The following CFAP221 variants were observed in gnomAD, a reference collection of about 807,000 sequenced individuals.
CFAP221 encodes cilia and flagella associated protein 221, also known as cilia- and flagella-associated protein 221.
Under a neutral mutation model 113.1 loss-of-function variants are expected in CFAP221, and 97 were observed. The observed-to-expected ratio is 0.86, with a 90% CI of 0.73 to 1.02. The LOEUF (loss-of-function observed/expected upper bound fraction) is 1.02, where lower values mean the gene tolerates loss of function less well. Among genes scored for constraint, CFAP221 ranks in the 50% least tolerant of loss-of-function variants. The pLI is 0.00. For synonymous variants in CFAP221, 331 were observed against 354.4 expected, an observed-to-expected ratio of 0.93 and a Z score of 0.74; for missense variants, 1,025 against 1,013.4, an observed-to-expected ratio of 1.01 and a Z score of -0.16.
chr2:119,585,887 G>A (rs1683188063), intron 6 of CFAP221, among the ~76,000 whole-genome samples: 1 of 152,196 alleles, frequency 6.6e-6, no homozygotes, highest in South Asian at 2.1e-4. Context: ...AGGTAGGGAA[G>A]CCTGTCATTA....
intron 13 of CFAP221, 65 bp from the exon 14 acceptor site, chr2:119,615,546 T>C: frequency 8.6e-7 from 1 of 1,163,918 alleles, no homozygotes. Flanking sequence ...AAAATGTTTT[T>C]ATTAGATGTT....
intron 6 of CFAP221, among the ~76,000 whole-genome samples, chr2:119,585,863 G>A (rs1683186771): frequency 6.6e-6 from 1 of 152,220 alleles, no homozygotes; most frequent in African/African-American, 2.4e-5. Flanking sequence ...CTCCAGGGAA[G>A]ACAGACACTG....
chr2:119,632,060 A>G (rs980262626), intron 19 of CFAP221, among the ~76,000 whole-genome samples: 9 of 152,186 alleles, frequency 5.9e-5, no homozygotes, highest in African/African-American at 1.7e-4. Context: ...AGAGGCCTTC[A>G]CTAGGGAATT....
Position 119,577,299 on chromosome 2 carries a change from T to C in CFAP221, c.528-9820T>C, listed in dbSNP as rs115059197. 7.2e-3 allele frequency among the ~76,000 whole-genome samples: 1,092 copies of C among 152,296 alleles called. 12 individuals are homozygous for C. Among genetic ancestry groups the C allele is most frequent in the African/African-American group, 0.025 (1,036 of 41,562 alleles). ...TCACCTTCCTAAGTCCCCACCTCCA[T>C]CATGGGAATTGGGGCTTCCACATAT... On this transcript the variant is annotated intron_variant, in intron 6 of 23. Coordinates refer to ENST00000413369, the MANE Select transcript of CFAP221 (RefSeq NM_001271049.2).
chr2:119,573,703 AAG>A (rs1169313035), intron 6 of CFAP221, among the ~76,000 whole-genome samples: 1 of 152,184 alleles, frequency 6.6e-6, no homozygotes, highest in African/African-American at 2.4e-5. Context: ...CTAAGAAGTA[AAG>A]AATTTTTAAA....
intron 7 of CFAP221, among the ~76,000 whole-genome samples, chr2:119,588,906 G>A (rs911739132): frequency 7.2e-5 from 11 of 152,220 alleles, no homozygotes; most frequent in East Asian, 1.9e-4. Flanking sequence ...GAAGTGGACC[G>A]AGGGCCACTC....
chr2:119,564,717 G>A (rs1393514968), intron 6 of CFAP221, among the ~76,000 whole-genome samples: 1 of 152,180 alleles, frequency 6.6e-6, no homozygotes, highest in African/African-American at 2.4e-5. Context: ...GTAGCTCACT[G>A]CTATATACTG....
rs373073463 is a variant in CFAP221, at chr2:119,638,264, C to G, written c.1980C>G (p.Pro660=). The G allele has an allele frequency of 1.9e-5, 31 of 1,613,926 alleles. No homozygotes were observed. The highest frequency in any genetic ancestry group is 6.8e-6 in the Non-Finnish European group (8 of 1,179,936). Residue 660 remains proline (P), a synonymous_variant, in exon 20 of 24, where the codon CCC becomes CCG. Transcript: ENST00000413369. ...LDYDPLYVFN[P]NPGLFAVMHP... ...TTTTTCCCTGTCTTCGGCAGAATCCCAACCCAGGATTATTTGCTGTAATGC... is the reference window on the plus strand; with the variant it reads ...TTTTTCCCTGTCTTCGGCAGAATCCGAACCCAGGATTATTTGCTGTAATGC...
chr2:119,568,740 T>C (rs191628505), intron 6 of CFAP221, among the ~76,000 whole-genome samples: 2 of 152,352 alleles, frequency 1.3e-5, no homozygotes, highest in African/African-American at 4.8e-5. Flanking sequence ...CAGCCTATCA[T>C]TGATGGGCAT....
Position 119,615,698 on chromosome 2 carries a change from G to A in CFAP221, c.1399G>A (p.Val467Ile), listed in dbSNP as rs775919999. ...RSRAQKRFQQ[V>I]ARKVMIQGRL... The stretch of plus-strand genomic sequence containing the variant: ...CAGGGCACAAAAACGGTTTCAACAA[G>A]TAGCACGCAAGGTAAGTCTCAGCAC... Residue 467 changes from valine (V) to isoleucine (I), a missense_variant, in exon 14 of 24, where the codon GTA (valine) becomes ATA (isoleucine). Physicochemically the swap from Val to Ile is conservative, Grantham distance 29. Transcript: ENST00000413369. The A allele has an allele frequency of 3.7e-6, 6 of 1,610,418 alleles. No individual in the cohort carries two copies. Among genetic ancestry groups the A allele is most frequent in the Non-Finnish European group, 3.4e-6 (4 of 1,177,388 alleles).
chr2:119,571,685 T>G (rs1336289890), intron 6 of CFAP221, among the ~76,000 whole-genome samples: 5 of 152,080 alleles, frequency 3.3e-5, no homozygotes, highest in African/African-American at 1.2e-4. Flanking sequence ...CTTGAACTCC[T>G]GAGCTCAAGA....
chr2:119,627,167 C>A (rs750223110), intron 15 of CFAP221, among the ~76,000 whole-genome samples: 10 of 152,180 alleles, frequency 6.6e-5, no homozygotes, highest in Admixed American at 1.3e-4. Context: ...CCCCATCCTC[C>A]CTAGGCACAA....
chr2:119,575,941 T>C (rs1335697268), intron 6 of CFAP221, among the ~76,000 whole-genome samples: 2 of 152,166 alleles, frequency 1.3e-5, no homozygotes, highest in African/African-American at 4.8e-5. Context: ...TTTAATTCAG[T>C]TTGTTCCCTA....
intron 21 of CFAP221, among the ~76,000 whole-genome samples, chr2:119,642,023 A>G (rs1305016789): frequency 6.6e-6 from 1 of 152,194 alleles, no homozygotes. Context: ...CTGTTCTTTC[A>G]ACAAGCAGTG....
intron 8 of CFAP221, among the ~76,000 whole-genome samples, chr2:119,601,967 G>A (rs965395860): frequency 3.3e-5 from 5 of 152,218 alleles, no homozygotes; most frequent in African/African-American, 7.2e-5. Flanking sequence ...ATTAAGTTGT[G>A]CTTCATAACA....
chr2:119,610,136 A>G (rs1685050459), intron 12 of CFAP221, among the ~76,000 whole-genome samples: 1 of 152,204 alleles, frequency 6.6e-6, no homozygotes, highest in Non-Finnish European at 1.5e-5. Context: ...CAGATCAGTC[A>G]TTGTGGGCAT....
intron 6 of CFAP221, among the ~76,000 whole-genome samples, chr2:119,584,269 A>G (rs1574059973): frequency 6.6e-6 from 1 of 152,332 alleles, no homozygotes; most frequent in Middle Eastern, 3.4e-3. Flanking sequence ...TGCAATGCAT[A>G]TAATTAACTA....
At chr2:119,562,229 G>T (rs1681296013) in intron 6 of CFAP221, 115 bp downstream of exon 6, 10 of 500,984 alleles carry the variant, frequency 2.0e-5, no homozygotes, top group East Asian at 9.3e-5. Context: ...ACCTGAAATA[G>T]ACTGGACTTG....
chr2:119,619,060 T>A (rs986244574), intron 14 of CFAP221, among the ~76,000 whole-genome samples: 1 of 152,172 alleles, frequency 6.6e-6, no homozygotes, highest in Admixed American at 6.5e-5. Flanking sequence ...GGGCAGGGCA[T>A]CTCTGAAAGA....
Sources: allele counts gnomAD v4.1 joint callset (sites outside exome capture counted in the v4.1 genomes callset), GRCh38; gene constraint gnomAD v4.1.1; transcripts MANE v1.5; gene names NCBI Gene and HGNC (gene_info 2026-07-23, HGNC 2026-07-21).